The following TMEM192 variants were observed in gnomAD, a reference collection of about 807,000 sequenced individuals.
TMEM192 encodes the protein transmembrane protein 192.
Under a neutral mutation model 26.7 loss-of-function variants are expected in TMEM192, and 20 were observed. That is an observed-to-expected ratio of 0.75 (90% CI 0.53 to 1.09). TMEM192 has a LOEUF of 1.09. TMEM192 is among the 50% of genes least tolerant of loss of function. The pLI is 0.00. For missense variants in TMEM192, 304 were observed against 322.6 expected (o/e 0.94, Z 0.44); for synonymous variants, 124 against 121.0 (o/e 1.02, Z -0.16).
At chr4:165,089,253 C>T (rs1288640957) in intron 3 of TMEM192, among the ~76,000 whole-genome samples, 1 of 151,704 alleles carries the variant, frequency 6.6e-6, no homozygotes, top group Non-Finnish European at 1.5e-5. Context: ...CACCCCCAAC[C>T]CTCCTGCCAT....
chr4:165,100,472 GACATTAA>G (rs1735012865), intron 3 of TMEM192, among the ~76,000 whole-genome samples, 149 bp downstream of exon 3: 1 of 152,132 alleles, frequency 6.6e-6, no homozygotes, highest in East Asian at 1.9e-4. Flanking sequence ...AAAGCTTTAA[GACATTAA>G]GGTGATCCAA....
Position 165,077,586 on chromosome 4 carries a change from A to G in TMEM192, c.*2072T>C, listed in dbSNP as rs1734413047. On this transcript the variant is annotated 3_prime_UTR_variant, in exon 6 of 6. Coordinates refer to ENST00000306480, the MANE Select transcript of TMEM192 (RefSeq NM_001100389.2). ...ATGGTGAAACCCCGCCTGTACTAAA[A>G]ATACAAAAATTAGCCAGGCATGGTG... is the stretch of plus-strand genomic sequence containing the variant. The G allele has an allele frequency of 1.3e-5, 2 of 152,192 alleles. No homozygotes were observed. Among genetic ancestry groups the G allele is most frequent in the Admixed American group, 1.3e-4 (2 of 15,264 alleles). The allele number at this position is 152,192 out of a possible 1,614,324, so 9.4% of individuals were successfully genotyped here.
At chr4:165,097,781 ATTTATTTAT>A (rs1387359313) in intron 3 of TMEM192, among the ~76,000 whole-genome samples, 1 of 150,604 alleles carries the variant, frequency 6.6e-6, no homozygotes, top group African/African-American at 2.5e-5. Flanking sequence ...CACATGACTA[ATTTATTTAT>A]TTTATTTTAT....
rs1005266891 is a variant in TMEM192, at chr4:165,085,733, T to C, written c.575-45A>G. The C allele has an allele frequency of 5.0e-6, 7 of 1,389,104 alleles. No individual in the cohort carries two copies. The Admixed American group carries it at 6.2e-5, about 12-fold the overall frequency. The allele number at this position is 1,389,104 out of a possible 1,614,324, so 86.0% of individuals were successfully genotyped here. A position where few individuals can be genotyped will look rare whatever the true frequency, so the allele number is the denominator to read the frequency against. The stretch of plus-strand genomic sequence containing the variant: ...ATTAGATCGAATTCTGAAAGACAAG[T>C]CTAGTTTCATTTTTTCAAATTATGC... On this transcript the variant is annotated intron_variant, in intron 4 of 5. Coordinates refer to ENST00000306480, the MANE Select transcript of TMEM192 (RefSeq NM_001100389.2).
intron 1 of TMEM192, among the ~76,000 whole-genome samples, chr4:165,106,824 C>A (rs1355119398): frequency 2.6e-5 from 4 of 152,122 alleles, no homozygotes; most frequent in African/African-American, 7.2e-5. Flanking sequence ...TTGCAGGTGG[C>A]CTATCATGGG....
At position 165,083,826 on chromosome 4, in the gene TMEM192, T is replaced by C. The variant is rs1468343999; in HGVS notation, c.677+1760A>G. 4.9e-5 allele frequency among the ~76,000 whole-genome samples: 2 copies of C among 40,494 alleles called. 1 individual carries two copies. The highest frequency in any genetic ancestry group is 8.8e-5 in the African/African-American group (2 of 22,620). 26.6% of individuals were successfully genotyped at this position (40,494 alleles called of 152,430 possible). ...CTTTATCTATAAAGTTTTTTGTTGT[T>C]GTTGTTTTGTTTCGAGACAGAGTCT... On this transcript the variant is annotated intron_variant, in intron 5 of 5. Coordinates refer to ENST00000306480, the MANE Select transcript of TMEM192 (RefSeq NM_001100389.2).
intron 3 of TMEM192, among the ~76,000 whole-genome samples, chr4:165,090,215 A>G (rs1185764421): frequency 2.9e-5 from 4 of 138,518 alleles, no homozygotes; most frequent in African/African-American, 8.6e-5. Flanking sequence ...CCGTCTTGGA[A>G]AAAAAAAAAA....
rs398072358 is a variant in TMEM192 at position 165,074,120 on chromosome 4, C to CCG, written c.*5537_*5538insCG. 1.3e-5 allele frequency: 2 copies of CCG among 151,714 alleles called. No homozygotes were observed. Among genetic ancestry groups the CCG allele is most frequent in the African/African-American group, 4.8e-5 (2 of 41,278 alleles). The allele number at this position is 151,714 out of a possible 1,614,324, so 9.4% of individuals were successfully genotyped here. ...ACAGGTGTGGAGGGGCAGACCCCCCCTCAATCAACTGAGCCAAGTGTTGCT... is the reference window on the plus strand; with the variant it reads ...ACAGGTGTGGAGGGGCAGACCCCCCCCGTCAATCAACTGAGCCAAGTGTTGCT... On this transcript the variant is annotated 3_prime_UTR_variant, in exon 6 of 6. Transcript: ENST00000306480.
At chr4:165,088,006 C>T (rs4478139) in intron 4 of TMEM192, among the ~76,000 whole-genome samples, 127,484 of 152,078 alleles carry the variant, frequency 0.84, 54,598 homozygotes, top group East Asian at 0.95. Flanking sequence ...GTCTCCCAGG[C>T]TCTAGTGATC....
chr4:165,088,440 A>T (rs777369368), intron 4 of TMEM192, 28 bp downstream of exon 4: 1 of 1,600,516 alleles, frequency 6.2e-7, no homozygotes, highest in African/African-American at 1.3e-5. Flanking sequence ...CGAAGTTCCT[A>T]TAAGAACAGG....
At position 165,073,999 on chromosome 4, in the gene TMEM192, G is replaced by T. The variant is rs1197172484; in HGVS notation, c.*5659C>A. The T allele has an allele frequency of 2.6e-5, 4 of 152,122 alleles. No individual in the cohort carries two copies. The highest frequency in any genetic ancestry group is 5.9e-5 in the Non-Finnish European group (4 of 68,052). The allele number at this position is 152,122 out of a possible 1,614,324, so 9.4% of individuals were successfully genotyped here. A position where few individuals can be genotyped will look rare whatever the true frequency, so the allele number is the denominator to read the frequency against. On this transcript the variant is annotated 3_prime_UTR_variant, in exon 6 of 6. Transcript: ENST00000306480. ...CGGTGCAGGTCCTCGCATGCTGGGT[G>T]TGCTGGTCCCCTGGGCCCACTGTTC...
chr4:165,085,343 G>A (rs914964454), intron 5 of TMEM192, among the ~76,000 whole-genome samples: 1 of 151,264 alleles, frequency 6.6e-6, no homozygotes, highest in Admixed American at 6.6e-5. Context: ...AGTTAATGAT[G>A]TCAAAAGCTC....
rs1303029703 is a variant in TMEM192 at position 165,088,611 on chromosome 4, G to A, written c.440-9C>T. ...GAGAAGCACTGTGTTGCCTGAGGAGGAGAAACATAAAACACAGCATGTGAT... is the reference window on the plus strand; with the variant it reads ...GAGAAGCACTGTGTTGCCTGAGGAGAAGAAACATAAAACACAGCATGTGAT... On this transcript the variant is annotated splice_polypyrimidine_tract_variant and intron_variant, in intron 3 of 5. Transcript: ENST00000306480. 6.2e-7 allele frequency: 1 copy of A among 1,606,068 alleles called. No individual in the cohort carries two copies. Among genetic ancestry groups the A allele is most frequent in the Non-Finnish European group, 8.5e-7 (1 of 1,176,232 alleles).
chr4:165,081,007 G>C (rs1002587193), intron 5 of TMEM192, among the ~76,000 whole-genome samples: 1 of 151,970 alleles, frequency 6.6e-6, no homozygotes, highest in East Asian at 1.9e-4. Flanking sequence ...GAGCCACCGC[G>C]CCCAGCCAAT....
At position 165,092,112 on chromosome 4, in the gene TMEM192, C is replaced by CTTTTTT. The variant is rs35641833; in HGVS notation, c.440-3516_440-3511dup. Among the ~76,000 whole-genome samples, 101 of 72,072 alleles carry CTTTTTT rather than the reference C, an allele frequency of 1.4e-3. 10 individuals carry two copies. Among genetic ancestry groups the CTTTTTT allele is most frequent in the African/African-American group, 1.7e-3 (26 of 14,858 alleles). 47.3% of individuals were successfully genotyped at this position (72,072 alleles called of 152,430 possible). A position where few individuals can be genotyped will look rare whatever the true frequency, so the allele number is the denominator to read the frequency against. On this transcript the variant is annotated intron_variant, in intron 3 of 5. Coordinates refer to ENST00000306480, the MANE Select transcript of TMEM192 (RefSeq NM_001100389.2). Reference sequence around the variant, plus strand: ...AATGCTGTTCTTTCTTAATGCTGTTCTTTTTTTTTTTTTTTTTTTTTTTTT... The same window carrying CTTTTTT: ...AATGCTGTTCTTTCTTAATGCTGTTCTTTTTTTTTTTTTTTTTTTTTTTTTTTTTTT...
At chr4:165,106,419 G>A (rs553913334) in intron 1 of TMEM192, among the ~76,000 whole-genome samples, 4 of 152,224 alleles carry the variant, frequency 2.6e-5, no homozygotes, top group African/African-American at 9.6e-5. Context: ...TCCCTATGAT[G>A]GTCAATATTA....
intron 3 of TMEM192, among the ~76,000 whole-genome samples, chr4:165,089,730 G>A (rs1375938252): frequency 2.0e-5 from 3 of 152,070 alleles, no homozygotes; most frequent in African/African-American, 7.2e-5. Context: ...GGCCAGGGGA[G>A]AAAGAAGGAC....
At chr4:165,089,110 G>A (rs1417896792) in intron 3 of TMEM192, among the ~76,000 whole-genome samples, 2 of 151,108 alleles carry the variant, frequency 1.3e-5, no homozygotes, top group East Asian at 3.9e-4. Flanking sequence ...CTTATGCTTA[G>A]GTTTGATGAA....
rs114256874 is a variant in TMEM192 at position 165,097,027 on chromosome 4, T to C, written c.439+3601A>G. 8.1e-3 allele frequency among the ~76,000 whole-genome samples: 1,230 copies of C among 152,190 alleles called. 8 individuals carry two copies. Among genetic ancestry groups the C allele is most frequent in the South Asian group, 0.036 (172 of 4,814 alleles). On this transcript the variant is annotated intron_variant, in intron 3 of 5. Coordinates refer to ENST00000306480, the MANE Select transcript of TMEM192 (RefSeq NM_001100389.2). ...AAAAGAGAGAGCTGCACATCAACAG[T>C]TGAACATTCTCAAGCTCATTCTCAC...
Sources: gnomAD v4.1 joint callset for allele counts (sites outside exome capture counted in the v4.1 genomes callset) on GRCh38, gnomAD v4.1.1 for gene constraint, MANE v1.5 for transcripts, NCBI Gene and HGNC (gene_info 2026-07-23, HGNC 2026-07-21) for gene names.